ESRRG: variants seen among roughly 807,000 people sequenced by gnomAD.
ESRRG encodes the protein estrogen related receptor gamma.
In ESRRG, 13 loss-of-function variants were observed where a neutral mutation model predicts 44.0. The ratio of observed to expected loss-of-function variants is 0.30; its 90% CI spans 0.19 to 0.47. The LOEUF (loss-of-function observed/expected upper bound fraction) is 0.47. Among genes scored for constraint, ESRRG ranks in the 20% least tolerant of loss-of-function variants. The pLI is 1.00. For missense variants in ESRRG, 395 were observed against 580.6 expected (o/e 0.68, Z 3.29); for synonymous variants, 215 against 214.6 (o/e 1.00, Z -0.02).
intron 2 of ESRRG, chr1:216,862,953 A>G (rs1279178785): frequency 2.6e-5 from 4 of 152,228 alleles, no homozygotes; most frequent in Non-Finnish European, 5.9e-5. Flanking sequence ...ATTATTGTCC[A>G]TAAGGAATTT....
intron 1 of ESRRG, among the ~76,000 whole-genome samples, chr1:217,055,989 C>T (rs79029334): frequency 5.7e-4 from 87 of 152,280 alleles, no homozygotes; most frequent in African/African-American, 2.0e-3. Context: ...AGCTACACTG[C>T]CCTTCCCAGC....
chr1:216,709,611 T>C (rs1328195989), intron 1 of ESRRG, among the ~76,000 whole-genome samples: 1 of 152,004 alleles, frequency 6.6e-6, no homozygotes, highest in East Asian at 1.9e-4. Context: ...AATGCAATGA[T>C]CCATTTTCTG....
At chr1:216,984,412 A>C (rs1250343517) in intron 1 of ESRRG, among the ~76,000 whole-genome samples, 2 of 152,212 alleles carry the variant, frequency 1.3e-5, no homozygotes. Context: ...AGCAGAGTAC[A>C]TATTTCAGTT....
chr1:216,819,401 A>G (rs941404659), intron 2 of ESRRG, among the ~76,000 whole-genome samples: 3 of 152,118 alleles, frequency 2.0e-5, no homozygotes, highest in African/African-American at 7.2e-5. Flanking sequence ...TCCTTTTTTA[A>G]GCGACTTTCT....
intron 1 of ESRRG, among the ~76,000 whole-genome samples, chr1:216,695,384 A>G (rs376952694): frequency 6.6e-6 from 1 of 152,298 alleles, no homozygotes; most frequent in African/African-American, 2.4e-5. Flanking sequence ...AACTGCAATT[A>G]CCTGGTTGTA....
intron 1 of ESRRG, among the ~76,000 whole-genome samples, chr1:217,081,388 CAG>C (rs2091762957): frequency 6.6e-6 from 1 of 151,616 alleles, no homozygotes; most frequent in Non-Finnish European, 1.5e-5. Flanking sequence ...CCACCACGCC[CAG>C]CTGATTTTGT....
chr1:217,056,856 G>A (rs998817286), intron 1 of ESRRG, among the ~76,000 whole-genome samples: 1 of 151,920 alleles, frequency 6.6e-6, no homozygotes, highest in African/African-American at 2.4e-5. Context: ...CAGCACCTGG[G>A]TGGGAAGAAG....
intron 1 of ESRRG, among the ~76,000 whole-genome samples, chr1:217,125,747 C>T (rs2092881227): frequency 6.6e-6 from 1 of 152,174 alleles, no homozygotes; most frequent in Non-Finnish European, 1.5e-5. Flanking sequence ...ACATGTAAGG[C>T]AACATTAAAA....
intron 1 of ESRRG, among the ~76,000 whole-genome samples, chr1:217,107,494 C>A (rs973890589): frequency 1.3e-5 from 2 of 152,172 alleles, no homozygotes; most frequent in African/African-American, 4.8e-5. Flanking sequence ...CTTTTTCCCC[C>A]CTGGGGTTAG....
chr1:216,984,050 G>C (rs907105387), intron 1 of ESRRG, among the ~76,000 whole-genome samples: 3 of 124,156 alleles, frequency 2.4e-5, no homozygotes, highest in Admixed American at 7.3e-5. Flanking sequence ...AATAAGAATG[G>C]GGGGGGGTAT....
rs146730449 is a variant in ESRRG at position 216,560,755 on chromosome 1, C to A, written c.862+3464G>T. On this transcript the variant is annotated intron_variant, in intron 5 of 6. Transcript: ENST00000408911. The stretch of plus-strand genomic sequence containing the variant: ...AGTGGAGTGTGCAGTACCTCCGTAT[C>A]TACATAAAAGAGATTAGAGGCGACA... Among the ~76,000 whole-genome samples the A allele has an allele frequency of 2.0e-5, 3 of 152,156 alleles. No homozygotes were observed. The East Asian group carries it at 5.8e-4, about 29-fold the overall frequency.
intron 3 of ESRRG, among the ~76,000 whole-genome samples, chr1:216,572,361 C>T (rs2060965871): frequency 1.3e-5 from 2 of 152,050 alleles, no homozygotes; most frequent in Non-Finnish European, 2.9e-5. Flanking sequence ...AAAGTTAAAA[C>T]AGTCCAAAAT....
intron 1 of ESRRG, among the ~76,000 whole-genome samples, chr1:217,101,235 C>A (rs1175260542): frequency 1.3e-5 from 2 of 152,152 alleles, no homozygotes; most frequent in Non-Finnish European, 2.9e-5. Context: ...CCTTCCTGAC[C>A]ACCTAATCAG....
At chr1:216,622,574 T>G (rs1015383485) in intron 3 of ESRRG, among the ~76,000 whole-genome samples, 2 of 151,666 alleles carry the variant, frequency 1.3e-5, no homozygotes, top group Non-Finnish European at 2.9e-5. Flanking sequence ...TTTCTTCTTT[T>G]TATTAAGTAG....
At chr1:217,001,871 A>G (rs188388430) in intron 1 of ESRRG, among the ~76,000 whole-genome samples, 3 of 152,320 alleles carry the variant, frequency 2.0e-5, no homozygotes, top group Non-Finnish European at 4.4e-5. Context: ...CTTTACCTTA[A>G]AAGTCATTTG....
rs1425611774 is a variant in ESRRG at position 216,677,444 on chromosome 1, C to T, written c.104G>A (p.Cys35Tyr). Residue 35 changes from cysteine to tyrosine, a missense_variant, in exon 2 of 7, where the codon TGT becomes TAT. This residue lies in a region of ESRRG where 148 missense variants were observed against 150.4 expected (regional missense o/e 0.98). Transcript: ENST00000408911. ...AGGTTCCGTCTTGATGAAGGACGAA[C>T]AGCTGGAATCAATGTGTCGATCTTT... Reference protein sequence around the residue: ...SNKDRHIDSSCSSFIKTEPSS... With the variant: ...SNKDRHIDSSYSSFIKTEPSS... 10 of 1,613,696 alleles carry T rather than the reference C, an allele frequency of 6.2e-6. No individual in the cohort carries two copies. The highest frequency in any genetic ancestry group is 8.5e-6 in the Non-Finnish European group (10 of 1,179,756).
intron 1 of ESRRG, among the ~76,000 whole-genome samples, chr1:217,083,012 C>T (rs1372047301): frequency 7.2e-5 from 11 of 152,190 alleles, no homozygotes; most frequent in Admixed American, 7.2e-4. Flanking sequence ...CCAACCATCG[C>T]AAGTCTAGAT....
At chr1:216,703,023 A>G (rs2081725600) in intron 1 of ESRRG, among the ~76,000 whole-genome samples, 1 of 152,214 alleles carries the variant, frequency 6.6e-6, no homozygotes, top group South Asian at 2.1e-4. Context: ...AATACAAACC[A>G]ATCAAGGCAA....
At chr1:217,025,354 A>C (rs1197764635) in intron 1 of ESRRG, among the ~76,000 whole-genome samples, 1 of 150,320 alleles carries the variant, frequency 6.7e-6, no homozygotes, top group Non-Finnish European at 1.5e-5. Context: ...TTCTGCTTTA[A>C]AAAAAAAAAG....
Sources: allele counts gnomAD v4.1 joint callset (sites outside exome capture counted in the v4.1 genomes callset), GRCh38; gene constraint gnomAD v4.1.1; regional missense constraint gnomAD v4.1.1; transcripts MANE v1.5; gene names NCBI Gene and HGNC (gene_info 2026-07-23, HGNC 2026-07-21).